NCL: variants seen among roughly 807,000 people sequenced by gnomAD.
NCL encodes nucleolin multifunctional protein.
A neutral mutation model predicts 77.7 loss-of-function variants in NCL; 4 were observed. That is an observed-to-expected ratio of 0.05 (90% CI 0.03 to 0.12). NCL has a LOEUF of 0.12. Among genes scored for constraint, NCL ranks in the 10% least tolerant of loss-of-function variants. The probability of loss-of-function intolerance (pLI) is 1.00; values close to 1 mark genes in which losing one functional copy is unlikely to be tolerated. For missense variants in NCL, 763 were observed against 860.9 expected (o/e 0.89, Z 1.42); for synonymous variants, 344 against 297.8 (o/e 1.16, Z -1.60).
chr2:231,457,294 TG>T, intron 9 of NCL, 170 bp from the exon 10 acceptor site: 1 of 937,736 alleles, frequency 1.1e-6, no homozygotes, highest in Non-Finnish European at 1.7e-6. Context: ...ACCTAGTACG[TG>T]TTGCAATGTC....
intron 2 of NCL, 62 bp from the exon 3 acceptor site, chr2:231,462,079 G>A (rs1422956300): frequency 3.8e-6 from 6 of 1,580,830 alleles, no homozygotes; most frequent in African/African-American, 2.7e-5. Flanking sequence ...GATAACCATG[G>A]TCCCAATGAG....
rs752740526 is a variant in NCL at position 231,461,933 on chromosome 2, C to T, written c.220G>A (p.Val74Ile). Residue 74 changes from valine (V) to isoleucine (I), a missense_variant, in exon 3 of 14, where the codon GTT becomes ATT. By Grantham distance (29) the Val-to-Ile change is conservative. Around this residue, in one of 2 missense-constraint regions of NCL, gnomAD observed 590 missense variants for 570.5 expected, o/e 1.03. Coordinates refer to ENST00000322723, the MANE Select transcript of NCL (RefSeq NM_005381.3). ...VVVSPTKKVAVATPAKKAAVT... is the reference protein window; with the variant it reads ...VVVSPTKKVAIATPAKKAAVT... ...GCTGCTTTCTTGGCTGGTGTGGCAA[C>T]TGCAACCTTTTTTGTTGGGGAAACG... is the stretch of plus-strand genomic sequence containing the variant. 2 of 1,614,214 alleles carry T rather than the reference C, an allele frequency of 1.2e-6. No homozygotes were observed. The highest frequency in any genetic ancestry group is 1.1e-5 in the South Asian group (1 of 91,084).
chr2:231,457,831 T>C (rs368705450), intron 8 of NCL, 31 bp from the exon 9 acceptor site: 1 of 1,569,250 alleles, frequency 6.4e-7, no homozygotes, highest in African/African-American at 1.4e-5. Flanking sequence ...CTCATGGTTT[T>C]TAAAACCATA....
chr2:231,460,594 C>T, intron 4 of NCL, 30 bp from the exon 5 acceptor site: 1 of 1,614,204 alleles, frequency 6.2e-7, no homozygotes, highest in South Asian at 1.1e-5. Flanking sequence ...ATGTATCACA[C>T]ATCAGTAGCC....
Position 231,460,712 on chromosome 2 carries a change from ATCATCTTCATCATCT to A in NCL, c.753_767del (p.Glu251_Asp255del), listed in dbSNP as rs766075566. On this transcript the variant is annotated inframe_deletion, in exon 4 of 14. Transcript: ENST00000322723. ...CCTCCTCCTCATCATCTTCATCATC[ATCATCTTCATCATCT>A]TCGTCGTCGTCGTCATCCTCGTCCT... 1 of 1,609,990 alleles carries A rather than the reference ATCATCTTCATCATCT, an allele frequency of 6.2e-7. No homozygotes were observed. Among genetic ancestry groups the A allele is most frequent in the Non-Finnish European group, 8.5e-7 (1 of 1,176,724 alleles).
Position 231,456,722 on chromosome 2 carries a change from T to C in NCL, c.1614A>G (p.Glu538=). 6.2e-7 allele frequency: 1 copy of C among 1,614,174 alleles called. No homozygotes were observed. The highest frequency in any genetic ancestry group is 8.5e-7 in the Non-Finnish European group (1 of 1,180,040). The change falls in exon 11 of 14, where the codon GAA becomes GAG. Residue 538 remains glutamate (E), a synonymous_variant. Coordinates refer to ENST00000322723, the MANE Select transcript of NCL (RefSeq NM_005381.3). The part of the protein sequence containing the change: ...IEFASFEDAK[E]ALNSCNKREI... Reference sequence around the variant, plus strand: ...CCCTTTTATTACAGGAATTTAAAGCTTCTTTAGCGTCTTCGAATGAAGCAA... The same window carrying C: ...CCCTTTTATTACAGGAATTTAAAGCCTCTTTAGCGTCTTCGAATGAAGCAA...
intron 6 of NCL, among the ~76,000 whole-genome samples, chr2:231,459,831 C>T (rs957449572): frequency 1.7e-4 from 25 of 150,612 alleles, no homozygotes; most frequent in African/African-American, 5.6e-4. Flanking sequence ...CGCTTGAACC[C>T]GGGAGGCAGA....
At chr2:231,458,503 C>G in intron 7 of NCL, 114 bp from the exon 8 acceptor site, 3 of 1,315,952 alleles carry the variant, frequency 2.3e-6, no homozygotes, top group Non-Finnish European at 3.1e-6. Flanking sequence ...ATTTGAGATC[C>G]TATAATGTAC....
Position 231,461,562 on chromosome 2 carries a change from ATCC to A in NCL, c.588_590del (p.Glu196del), listed in dbSNP as rs1179898260. On this transcript the variant is annotated inframe_deletion, in exon 3 of 14. Transcript: ENST00000322723. ...TACCATCTTCCTCATCGTCATCGTC[ATCC>A]TCATCATCTTCGTCATCCTCATCGT... 2 of 1,613,574 alleles carry A rather than the reference ATCC, an allele frequency of 1.2e-6. No homozygotes were observed. Among genetic ancestry groups the A allele is most frequent in the East Asian group, 2.2e-5 (1 of 44,874 alleles).
chr2:231,455,516 A>T lies in NCL; in HGVS notation c.1941T>A (p.Pro647=). 3.7e-6 allele frequency: 6 copies of T among 1,614,186 alleles called. No homozygotes were observed. Among genetic ancestry groups the T allele is most frequent in the Non-Finnish European group, 5.1e-6 (6 of 1,180,036 alleles). Residue 647 remains proline (P), a synonymous_variant, in exon 13 of 14, where the codon CCT becomes CCA. Coordinates refer to ENST00000322723, the MANE Select transcript of NCL (RefSeq NM_005381.3). The part of the protein sequence containing the change: ...GNKVTLDWAK[P]KGEGGFGGRG... Reference sequence around the variant, plus strand: ...GACCCCCGAAGCCACCTTCACCCTTAGGTTTGGCCCAGTCCAAGGTAACTT... The same window carrying T: ...GACCCCCGAAGCCACCTTCACCCTTTGGTTTGGCCCAGTCCAAGGTAACTT...
chr2:231,458,397 A>G lies in NCL; in HGVS notation c.1166-8T>C, dbSNP rs770191216. ...GTGTTCTCGCATCTCGCTCTAGATTAAAAAAACAAAAATGAGCTCTGTGGC... is the reference window on the plus strand; with the variant it reads ...GTGTTCTCGCATCTCGCTCTAGATTGAAAAAACAAAAATGAGCTCTGTGGC... On this transcript the variant is annotated splice_polypyrimidine_tract_variant and splice_region_variant and intron_variant, in intron 7 of 13. Coordinates refer to ENST00000322723, the MANE Select transcript of NCL (RefSeq NM_005381.3). The G allele has an allele frequency of 2.5e-6, 4 of 1,609,648 alleles. No individual in the cohort carries two copies. Among genetic ancestry groups the G allele is most frequent in the Non-Finnish European group, 3.4e-6 (4 of 1,178,850 alleles).
intron 7 of NCL, 179 bp from the exon 8 acceptor site, chr2:231,458,568 C>T: frequency 2.6e-6 from 2 of 766,398 alleles, no homozygotes; most frequent in Middle Eastern, 3.5e-4. Flanking sequence ...AGTGGTCCCT[C>T]CATGTTGTCA....
intron 9 of NCL, chr2:231,457,403 T>C: frequency 1.3e-6 from 1 of 749,728 alleles, no homozygotes; most frequent in East Asian, 2.7e-5. Flanking sequence ...GTATAAAACA[T>C]GCCTACAAAG....
chr2:231,457,935 C>A, intron 8 of NCL, 135 bp from the exon 9 acceptor site: 1 of 860,982 alleles, frequency 1.2e-6, no homozygotes. Flanking sequence ...TCAATCAAAA[C>A]TCGAGCTTCC....
intron 9 of NCL, 65 bp from the exon 10 acceptor site, chr2:231,457,189 G>T (rs1038014505): frequency 3.1e-5 from 49 of 1,598,680 alleles, no homozygotes; most frequent in Non-Finnish European, 4.1e-5. Flanking sequence ...GGTCACAACA[G>T]TAATATCTTA....
In NCL at chr2:231,460,208, G is replaced by A. The variant is rs144610202; in HGVS notation, c.984C>T (p.Ser328=). The A allele has an allele frequency of 1.2e-3, 1,896 of 1,614,040 alleles. No homozygotes were observed. Among genetic ancestry groups the A allele is most frequent in the Non-Finnish European group, 1.5e-3 (1,786 of 1,179,986 alleles). ...KSAPELKTGI[S]DVFAKNDLAV... ...CAAGATCATTTTTAGCAAAAACATC[G>A]CTGATACCAGTTTTTAATTCAGGAG... The change falls in exon 6 of 14, where the codon AGC becomes AGT. Residue 328 remains serine (S), a synonymous_variant. Coordinates refer to ENST00000322723, the MANE Select transcript of NCL (RefSeq NM_005381.3).
chr2:231,459,433 A>G (rs1002848507), intron 6 of NCL, among the ~76,000 whole-genome samples: 1 of 152,160 alleles, frequency 6.6e-6, no homozygotes, highest in Non-Finnish European at 1.5e-5. Flanking sequence ...TGTCTGGATA[A>G]AAGTATTCAC....
At chr2:231,458,861 A>T in intron 7 of NCL, 140 bp downstream of exon 7, 1 of 931,444 alleles carries the variant, frequency 1.1e-6, no homozygotes. Flanking sequence ...TAGCTCATTT[A>T]ATTCCCACAT....
chr2:231,460,221 T>C lies in NCL; in HGVS notation c.971A>G (p.Lys324Arg). 1.2e-6 allele frequency: 2 copies of C among 1,614,160 alleles called. No individual in the cohort carries two copies. Among genetic ancestry groups the C allele is most frequent in the South Asian group, 2.2e-5 (2 of 91,056 alleles). The change falls in exon 6 of 14, where the codon AAA (lysine) becomes AGA (arginine). Residue 324 changes from lysine to arginine, a missense_variant. Lys to Arg is a conservative substitution (Grantham distance 26, BLOSUM62 2). Transcript: ENST00000322723. Reference protein sequence around the residue: ...LNFNKSAPELKTGISDVFAKN... With the variant: ...LNFNKSAPELRTGISDVFAKN... ...AGCAAAAACATCGCTGATACCAGTT[T>C]TTAATTCAGGAGCAGATTTGTTAAA... is the stretch of plus-strand genomic sequence containing the variant.
Sources: gnomAD v4.1 joint callset for allele counts (sites outside exome capture counted in the v4.1 genomes callset) on GRCh38, gnomAD v4.1.1 for gene constraint, gnomAD v4.1.1 regional missense constraint, MANE v1.5 for transcripts, NCBI Gene and HGNC (gene_info 2026-07-23, HGNC 2026-07-21) for gene names.